WASHC3: variants seen among roughly 807,000 people sequenced by gnomAD.
The protein encoded by WASHC3 is WASH complex subunit 3.
In WASHC3, 24 loss-of-function variants were observed where a neutral mutation model predicts 26.1. That is an observed-to-expected ratio of 0.92 (90% confidence interval 0.66 to 1.29). WASHC3 has a LOEUF of 1.29. WASHC3 is among the 50% of genes most tolerant of loss of function. The pLI is 0.00. For synonymous variants in WASHC3, 77 were observed against 75.7 expected (o/e 1.02, Z -0.09); for missense variants, 214 against 229.6 (o/e 0.93, Z 0.44).
intron 2 of WASHC3, among the ~76,000 whole-genome samples, chr12:102,055,248 T>C (rs932723851): frequency 1.3e-5 from 2 of 152,238 alleles, no homozygotes; most frequent in East Asian, 3.8e-4. Context: ...ATTGGCTTTT[T>C]CAGCCACAGA....
Position 102,039,913 on chromosome 12 carries a change from T to C in WASHC3, c.390A>G (p.Val130=), listed in dbSNP as rs1877869974. 1.2e-6 allele frequency: 2 copies of C among 1,605,600 alleles called. No homozygotes were observed. Among genetic ancestry groups the C allele is most frequent in the Admixed American group, 3.3e-5 (2 of 59,976 alleles). ...SEVSAENILT[V]AKDPRYARYL... is the part of the protein sequence containing the mutation. ...ATCTGGCATATCTTGGATCCTTGGC[T>C]ACAGTTAAGATATTTTCTGCTGATA... The change falls in exon 5 of 7, where the codon GTA becomes GTG. Residue 130 remains valine, a synonymous_variant. Coordinates refer to ENST00000240079, the MANE Select transcript of WASHC3 (RefSeq NM_016053.4).
Position 102,057,485 on chromosome 12 carries a change from C to A in WASHC3, c.150+3763G>T, listed in dbSNP as rs573254321. On this transcript the variant is annotated intron_variant, in intron 2 of 6. Transcript: ENST00000240079. ...AAAAGGAAATGAAATTGTTTCTGTT[C>A]GCAGATGGCATGCTCTTATATATTG... 3.3e-5 allele frequency among the ~76,000 whole-genome samples: 5 copies of A among 152,040 alleles called. No homozygotes were observed. The South Asian group carries it at 1.0e-3, about 32-fold the overall frequency.
chr12:102,027,829 A>G (rs192218677), intron 5 of WASHC3, among the ~76,000 whole-genome samples: 2 of 152,256 alleles, frequency 1.3e-5, no homozygotes, highest in East Asian at 3.9e-4. Context: ...TATCTTGGTA[A>G]CTGTTGTTTT....
chr12:102,025,481 T>C (rs1442905983), intron 6 of WASHC3, among the ~76,000 whole-genome samples: 1 of 151,970 alleles, frequency 6.6e-6, no homozygotes, highest in African/African-American at 2.4e-5. Context: ...TAATAACCAT[T>C]AACATAGACC....
chr12:102,059,967 A>G (rs1304241949), intron 2 of WASHC3, among the ~76,000 whole-genome samples: 1 of 152,196 alleles, frequency 6.6e-6, no homozygotes, highest in Admixed American at 6.5e-5. Flanking sequence ...TACTCTACCA[A>G]TTACTATATT....
intron 2 of WASHC3, among the ~76,000 whole-genome samples, chr12:102,055,989 T>C (rs1240831648): frequency 6.6e-6 from 1 of 152,244 alleles, no homozygotes; most frequent in African/African-American, 2.4e-5. Context: ...AGACATGACC[T>C]ACAGTAGTTC....
chr12:102,028,227 C>A (rs1175977948), intron 5 of WASHC3, among the ~76,000 whole-genome samples: 1 of 152,102 alleles, frequency 6.6e-6, no homozygotes, highest in Non-Finnish European at 1.5e-5. Flanking sequence ...GCAAAACATA[C>A]TTAATAACAA....
chr12:102,030,295 CAAA>C (rs57056667), intron 5 of WASHC3, among the ~76,000 whole-genome samples: 4 of 89,116 alleles, frequency 4.5e-5, no homozygotes, highest in African/African-American at 8.3e-5. Flanking sequence ...AACTCCATCT[CAAA>C]AAAAAAAAAA....
At chr12:102,045,929 G>C in intron 3 of WASHC3, 125 bp downstream of exon 3, 1 of 590,170 alleles carries the variant, frequency 1.7e-6, no homozygotes, top group Non-Finnish European at 3.1e-6. Flanking sequence ...AACACAACCA[G>C]TATCACTTCA....
chr12:102,050,644 G>A, intron 2 of WASHC3: 1 of 437,994 alleles, frequency 2.3e-6, no homozygotes, highest in South Asian at 1.6e-5. Flanking sequence ...CCCCGTCTCG[G>A]GGGGAAAAGA....
At chr12:102,015,097 G>A (rs1304398369) in intron 6 of WASHC3, among the ~76,000 whole-genome samples, 1 of 152,192 alleles carries the variant, frequency 6.6e-6, no homozygotes, top group Non-Finnish European at 1.5e-5. Flanking sequence ...GAGCCCAGCA[G>A]TTCAAGACCA....
rs774911703 is a variant in WASHC3, at chr12:102,013,204, G to GAA, written c.501-14_501-13dup. The GAA allele has an allele frequency of 2.1e-6, 3 of 1,419,938 alleles. No individual in the cohort carries two copies. The highest frequency in any genetic ancestry group is 2.9e-6 in the Non-Finnish European group (3 of 1,043,438). 88.0% of individuals were successfully genotyped at this position (1,419,938 alleles called of 1,614,324 possible). ...GAGCATCTGGCCTCCTAAAAGAAAAGAAAAAAAAATTTCAAAGGTCTTTTC... is the reference window on the plus strand; with the variant it reads ...GAGCATCTGGCCTCCTAAAAGAAAAGAAAAAAAAAAATTTCAAAGGTCTTTTC... On this transcript the variant is annotated splice_polypyrimidine_tract_variant and intron_variant, in intron 6 of 6. Coordinates refer to ENST00000240079, the MANE Select transcript of WASHC3 (RefSeq NM_016053.4).
intron 6 of WASHC3, among the ~76,000 whole-genome samples, chr12:102,020,696 T>C (rs1876916608): frequency 6.6e-6 from 1 of 152,158 alleles, no homozygotes; most frequent in Non-Finnish European, 1.5e-5. Context: ...ATTATTCAAA[T>C]CACTGATGGA....
At chr12:102,046,234 A>G in intron 2 of WASHC3, 115 bp from the exon 3 acceptor site, 1 of 609,940 alleles carries the variant, frequency 1.6e-6, no homozygotes. Context: ...ATTCTAATAC[A>G]GTACTGTCTT....
chr12:102,058,658 A>G (rs887024190), intron 2 of WASHC3, among the ~76,000 whole-genome samples: 2 of 152,100 alleles, frequency 1.3e-5, no homozygotes, highest in Non-Finnish European at 2.9e-5. Flanking sequence ...TCCACAAAAA[A>G]TTAAAAATAG....
At chr12:102,016,382 T>G (rs1341288427) in intron 6 of WASHC3, among the ~76,000 whole-genome samples, 1 of 151,198 alleles carries the variant, frequency 6.6e-6, no homozygotes, top group Non-Finnish European at 1.5e-5. Flanking sequence ...TTTTTGTATT[T>G]TTAGTAGTGA....
At chr12:102,061,014 TA>T (rs1878787822) in intron 2 of WASHC3, among the ~76,000 whole-genome samples, 3 of 128,370 alleles carry the variant, frequency 2.3e-5, no homozygotes, top group Non-Finnish European at 5.0e-5. Context: ...TTAATCGCAA[TA>T]AGCCTGACTG....
At chr12:102,042,141 C>T (rs1021271532) in intron 4 of WASHC3, among the ~76,000 whole-genome samples, 2 of 152,004 alleles carry the variant, frequency 1.3e-5, no homozygotes, top group African/African-American at 2.4e-5. Flanking sequence ...TCTTAATATT[C>T]TTTATAGACG....
chr12:102,062,038 G>A, upstream of WASHC3: 4 of 1,314,440 alleles, frequency 3.0e-6, no homozygotes, highest in South Asian at 1.3e-5. Context: ...CGGTAATCAC[G>A]TCTCAACTTT....
Sources: allele counts gnomAD v4.1 joint callset (sites outside exome capture counted in the v4.1 genomes callset), GRCh38; gene constraint gnomAD v4.1.1; transcripts MANE v1.5; gene names NCBI Gene and HGNC (gene_info 2026-07-23, HGNC 2026-07-21).